PCGF5: variants seen among roughly 807,000 people sequenced by gnomAD.
PCGF5 encodes the protein polycomb group RING finger protein 5.
A neutral mutation model predicts 44.3 loss-of-function variants in PCGF5; 9 were observed. The ratio of observed to expected loss-of-function variants is 0.20; its 90% CI spans 0.12 to 0.35. The LOEUF is 0.35. PCGF5 is among the 10% of genes least tolerant of loss of function. The pLI is 1.00. For missense variants in PCGF5, 146 were observed against 305.3 expected (o/e 0.48, Z 3.89); for synonymous variants, 95 against 102.5 (o/e 0.93, Z 0.44).
upstream of PCGF5, among the ~76,000 whole-genome samples, chr10:91,160,265 C>T (rs1045680656): frequency 2.6e-5 from 4 of 151,990 alleles, no homozygotes; most frequent in South Asian, 2.1e-4. Context: ...GACTGTTGGG[C>T]GTTGGGATTT....
chr10:91,222,946 G>C lies in PCGF5; in HGVS notation c.75G>C (p.Leu25=). ...CCTGCTATATCTGTAAAGGGTATCT[G>C]ATCAAGCCAACAACAGTGACGGAAT... ...YITCYICKGY[L]IKPTTVTECL... Residue 25 remains leucine (L), a synonymous_variant, in exon 2 of 10, where the codon CTG becomes CTC. Transcript: ENST00000336126. 1 of 1,611,958 alleles carries C rather than the reference G, an allele frequency of 6.2e-7. No homozygotes were observed. The highest frequency in any genetic ancestry group is 8.5e-7 in the Non-Finnish European group (1 of 1,178,040).
At chr10:91,173,371 C>A (rs1843645839) in intron 1 of PCGF5, among the ~76,000 whole-genome samples, 1 of 152,026 alleles carries the variant, frequency 6.6e-6, no homozygotes. Context: ...AAATTTCTGC[C>A]TTTTTATTTC....
upstream of PCGF5, among the ~76,000 whole-genome samples, chr10:91,215,603 C>G (rs983961651): frequency 2.6e-5 from 4 of 152,250 alleles, no homozygotes; most frequent in Non-Finnish European, 5.9e-5. Context: ...ATCTCACCAC[C>G]CAGCCCTTCA....
chr10:91,240,013 G>T (rs958821419), intron 2 of PCGF5, among the ~76,000 whole-genome samples: 1 of 152,132 alleles, frequency 6.6e-6, no homozygotes, highest in African/African-American at 2.4e-5. Flanking sequence ...GTGACTCCCA[G>T]TTTGTCCCTG....
chr10:91,228,625 C>G (rs1048449641), intron 2 of PCGF5, among the ~76,000 whole-genome samples: 3 of 152,036 alleles, frequency 2.0e-5, no homozygotes, highest in African/African-American at 7.2e-5. Flanking sequence ...ATAACTTAAC[C>G]CTAAGATGAT....
chr10:91,176,649 A>C (rs1041444923), intron 1 of PCGF5, among the ~76,000 whole-genome samples: 8 of 152,016 alleles, frequency 5.3e-5, no homozygotes, highest in Admixed American at 3.3e-4. Context: ...GCTTCATTTC[A>C]TTCATTTGAT....
intron 1 of PCGF5, among the ~76,000 whole-genome samples, chr10:91,197,465 G>A (rs12778694): frequency 0.21 from 32,121 of 152,076 alleles, 3,782 homozygotes; most frequent in East Asian, 0.49. Flanking sequence ...CCTGTGGTCC[G>A]GGCATTGTGC....
intron 3 of PCGF5, among the ~76,000 whole-genome samples, chr10:91,241,124 G>A (rs948617874): frequency 4.0e-5 from 6 of 150,892 alleles, no homozygotes; most frequent in African/African-American, 1.5e-4. Flanking sequence ...GCCCAGGCTG[G>A]AGTGCAATGG....
At chr10:91,248,873 T>G in intron 5 of PCGF5, 149 bp downstream of exon 5, 1 of 681,996 alleles carries the variant, frequency 1.5e-6, no homozygotes, top group Non-Finnish European at 2.5e-6. Context: ...CCTTTTTCTC[T>G]ATATGAGATT....
intron 5 of PCGF5, 88 bp from the exon 6 acceptor site, chr10:91,251,204 A>T: frequency 9.3e-7 from 1 of 1,075,350 alleles, no homozygotes; most frequent in Admixed American, 2.9e-5. Flanking sequence ...TTTAAAGTTG[A>T]TTTTTGTTTT....
chr10:91,266,364 G>A (rs576589347), intron 8 of PCGF5, among the ~76,000 whole-genome samples: 2 of 152,242 alleles, frequency 1.3e-5, no homozygotes, highest in East Asian at 3.9e-4. Flanking sequence ...TAATGTCAAA[G>A]TATGAAAGAG....
rs143789698 is a variant in PCGF5 at position 91,246,660 on chromosome 10, T to C, written c.210-1845T>C. Reference sequence around the variant, plus strand: ...TTGGGAGAATAGGTGGGACAGATATTGAGAGGGAGCTCTGAATGTGGCTTG... The same window carrying C: ...TTGGGAGAATAGGTGGGACAGATATCGAGAGGGAGCTCTGAATGTGGCTTG... On this transcript the variant is annotated intron_variant, in intron 3 of 9. Coordinates refer to ENST00000336126, the MANE Select transcript of PCGF5 (RefSeq NM_032373.5). Among the ~76,000 whole-genome samples the C allele has an allele frequency of 4.0e-3, 615 of 152,230 alleles. 5 individuals carry two copies. Among genetic ancestry groups the C allele is most frequent in the African/African-American group, 0.014 (595 of 41,556 alleles).
intron 6 of PCGF5, among the ~76,000 whole-genome samples, chr10:91,259,246 A>G (rs542025379): frequency 3.9e-5 from 6 of 152,282 alleles, no homozygotes; most frequent in African/African-American, 1.4e-4. Flanking sequence ...ACAGCCTATC[A>G]GACACTATTC....
chr10:91,169,567 A>G (rs1258669243), intron 1 of PCGF5, among the ~76,000 whole-genome samples: 1 of 152,230 alleles, frequency 6.6e-6, no homozygotes, highest in Non-Finnish European at 1.5e-5. Flanking sequence ...TTAGATATAC[A>G]TCTAACAAAA....
intron 6 of PCGF5, among the ~76,000 whole-genome samples, chr10:91,253,158 G>T (rs1191104464): frequency 6.6e-6 from 1 of 151,784 alleles, no homozygotes; most frequent in East Asian, 1.9e-4. Context: ...TCCATTTTCT[G>T]TGTGGCTTCA....
rs776075350 is a variant in PCGF5, at chr10:91,251,443, G to A, written c.474+3G>A. 3 of 1,609,084 alleles carry A rather than the reference G, an allele frequency of 1.9e-6. No individual in the cohort carries two copies. Among genetic ancestry groups the A allele is most frequent in the Non-Finnish European group, 1.7e-6 (2 of 1,176,818 alleles). The stretch of plus-strand genomic sequence containing the variant: ...AATCAGGGGACAATGTAGTAAAGGT[G>A]AGTGAACAAGTACTATGGTATTTTT... On this transcript the variant is annotated splice_donor_region_variant and intron_variant, in intron 6 of 9. Coordinates refer to ENST00000336126, the MANE Select transcript of PCGF5 (RefSeq NM_032373.5).
chr10:91,253,619 G>T (rs35552285), intron 6 of PCGF5, among the ~76,000 whole-genome samples: 10,461 of 152,096 alleles, frequency 0.069, 457 homozygotes, highest in African/African-American at 0.11. Context: ...TCTTTGATCT[G>T]TTACTCTTTT....
intron 3 of PCGF5, 73 bp downstream of exon 3, chr10:91,240,653 A>G (rs1318088784): frequency 3.3e-6 from 3 of 896,370 alleles, no homozygotes; most frequent in Non-Finnish European, 3.5e-6. Context: ...ATTGTATGTC[A>G]TAATATTTCA....
At chr10:91,199,571 C>T (rs1844209549) in intron 1 of PCGF5, among the ~76,000 whole-genome samples, 1 of 152,254 alleles carries the variant, frequency 6.6e-6, no homozygotes, top group Non-Finnish European at 1.5e-5. Flanking sequence ...GATCTGATCT[C>T]TGCTTCCCAG....
Sources: gnomAD v4.1 joint callset for allele counts (sites outside exome capture counted in the v4.1 genomes callset) on GRCh38, gnomAD v4.1.1 for gene constraint, MANE v1.5 for transcripts, NCBI Gene and HGNC (gene_info 2026-07-23, HGNC 2026-07-21) for gene names.